SORCS3: variants seen among roughly 807,000 people sequenced by gnomAD.
SORCS3 encodes the protein sortilin related VPS10 domain containing receptor 3.
In SORCS3, 57 loss-of-function variants were observed where a neutral mutation model predicts 146.3. The observed-to-expected ratio is 0.39, with a 90% CI of 0.31 to 0.49. The LOEUF (loss-of-function observed/expected upper bound fraction) is 0.49, where lower values mean the gene tolerates loss of function less well. SORCS3 is among the 20% of genes least tolerant of loss of function. The pLI, the probability that SORCS3 is intolerant of heterozygous loss-of-function variation, is 0.92. For synonymous variants in SORCS3, 653 were observed against 618.5 expected, an observed-to-expected ratio of 1.06 and a Z score of -0.83; for missense variants, 1,341 against 1,575.5, an observed-to-expected ratio of 0.85 and a Z score of 2.52.
chr10:105,080,705 A>T (rs953483883), intron 5 of SORCS3, among the ~76,000 whole-genome samples: 7 of 151,888 alleles, frequency 4.6e-5, no homozygotes, highest in Non-Finnish European at 8.8e-5. Context: ...ATCCATCTTG[A>T]GTTGATTTTT....
intron 2 of SORCS3, among the ~76,000 whole-genome samples, chr10:104,900,042 TCTG>T (rs1174954985): frequency 6.6e-6 from 1 of 152,164 alleles, no homozygotes; most frequent in Non-Finnish European, 1.5e-5. Flanking sequence ...TTGTTTGTCT[TCTG>T]CTTCTTTCCA....
At chr10:104,954,190 G>C (rs2019463263) in intron 3 of SORCS3, among the ~76,000 whole-genome samples, 1 of 152,148 alleles carries the variant, frequency 6.6e-6, no homozygotes, top group African/African-American at 2.4e-5. Flanking sequence ...AATCTCAAAA[G>C]GGACACTGGA....
At chr10:105,184,814 G>A (rs2056465164) in intron 14 of SORCS3, among the ~76,000 whole-genome samples, 1 of 152,024 alleles carries the variant, frequency 6.6e-6, no homozygotes, top group Non-Finnish European at 1.5e-5. Context: ...GTTTTTTTGG[G>A]TAAGAACATT....
intron 3 of SORCS3, among the ~76,000 whole-genome samples, chr10:104,937,522 C>T (rs1028802638): frequency 6.6e-6 from 1 of 152,220 alleles, no homozygotes; most frequent in Non-Finnish European, 1.5e-5. Flanking sequence ...TTTAAGTTCT[C>T]TTTCATCATG....
At chr10:104,695,304 G>T (rs535763362) in intron 1 of SORCS3, among the ~76,000 whole-genome samples, 2 of 152,082 alleles carry the variant, frequency 1.3e-5, no homozygotes, top group Admixed American at 6.6e-5. Context: ...AGGGGTGTGT[G>T]TGTGTCCCTA....
chr10:104,992,928 G>A (rs1279751019), intron 4 of SORCS3, among the ~76,000 whole-genome samples: 1 of 150,858 alleles, frequency 6.6e-6, no homozygotes, highest in African/African-American at 2.4e-5. Context: ...TTTTCTCTGT[G>A]TTTAGGACAT....
intron 4 of SORCS3, among the ~76,000 whole-genome samples, chr10:105,020,072 T>A (rs1466434730): frequency 6.6e-6 from 1 of 152,178 alleles, no homozygotes; most frequent in Non-Finnish European, 1.5e-5. Context: ...TGGCTTTACT[T>A]AAACCAAGTG....
At chr10:105,092,335 T>C (rs2055716077) in intron 6 of SORCS3, among the ~76,000 whole-genome samples, 1 of 152,210 alleles carries the variant, frequency 6.6e-6, no homozygotes, top group South Asian at 2.1e-4. Context: ...TAGAATATAT[T>C]AGTTCTGTTC....
In SORCS3 at chr10:105,216,980, G is replaced by A. The variant is rs746689746; in HGVS notation, c.2592G>A (p.Gly864=). 6 of 1,614,204 alleles carry A rather than the reference G, an allele frequency of 3.7e-6. No individual in the cohort carries two copies. The highest frequency in any genetic ancestry group is 5.1e-6 in the Non-Finnish European group (6 of 1,180,032). Residue 864 remains glycine (G), a synonymous_variant, in exon 19 of 27, where the codon GGG becomes GGA. Transcript: ENST00000369701. ...RTNIQLDFGD[G]IAVSYANFSP... is the part of the protein sequence containing the mutation. The stretch of plus-strand genomic sequence containing the variant: ...ACATCCAGCTTGACTTTGGGGATGG[G>A]ATTGCTGTGTCCTACGCAAACTTCA...
chr10:104,950,714 T>C (rs1259135608), intron 3 of SORCS3, among the ~76,000 whole-genome samples: 1 of 152,118 alleles, frequency 6.6e-6, no homozygotes, highest in Non-Finnish European at 1.5e-5. Flanking sequence ...AATTCTGTCT[T>C]AAAAAGGAAG....
chr10:105,111,271 A>C (rs2055857260), intron 7 of SORCS3, among the ~76,000 whole-genome samples: 1 of 152,188 alleles, frequency 6.6e-6, no homozygotes, highest in South Asian at 2.1e-4. Context: ...TGACATCCTC[A>C]GTCGGGATTG....
intron 2 of SORCS3, among the ~76,000 whole-genome samples, chr10:104,907,677 A>G (rs1213537064): frequency 6.6e-6 from 1 of 152,176 alleles, no homozygotes; most frequent in African/African-American, 2.4e-5. Flanking sequence ...AGACGAATTA[A>G]TTATCCTGTA....
At chr10:104,829,049 CCTCAG>C (rs1358086965) in intron 1 of SORCS3, among the ~76,000 whole-genome samples, 8 of 152,192 alleles carry the variant, frequency 5.3e-5, no homozygotes, top group Non-Finnish European at 1.5e-5. Context: ...GTCCTGACCA[CCTCAG>C]CTCAGATTCA....
chr10:104,991,115 C>T (rs147185350), intron 4 of SORCS3, among the ~76,000 whole-genome samples: 1 of 152,250 alleles, frequency 6.6e-6, no homozygotes, highest in Non-Finnish European at 1.5e-5. Context: ...CCAGGACATA[C>T]TTTTGACTCC....
intron 13 of SORCS3, among the ~76,000 whole-genome samples, chr10:105,168,366 TG>T (rs1176521275): frequency 6.6e-6 from 1 of 152,114 alleles, no homozygotes; most frequent in Non-Finnish European, 1.5e-5. Context: ...GACGACAACT[TG>T]TTGCTGTTGT....
intron 3 of SORCS3, among the ~76,000 whole-genome samples, chr10:104,935,490 A>G (rs1221474066): frequency 6.6e-6 from 1 of 152,178 alleles, no homozygotes; most frequent in Non-Finnish European, 1.5e-5. Flanking sequence ...AGGTAATTCT[A>G]TTGTACTTCC....
At chr10:104,949,371 A>C (rs909921974) in intron 3 of SORCS3, among the ~76,000 whole-genome samples, 1 of 150,270 alleles carries the variant, frequency 6.7e-6, no homozygotes, top group African/African-American at 2.5e-5. Context: ...CTTTCAGTTT[A>C]AATTGGCTGT....
At chr10:104,885,396 T>C (rs565847604) in intron 2 of SORCS3, among the ~76,000 whole-genome samples, 1 of 152,288 alleles carries the variant, frequency 6.6e-6, no homozygotes, top group African/African-American at 2.4e-5. Context: ...AGACACACTT[T>C]TAAAATGTTC....
intron 1 of SORCS3, among the ~76,000 whole-genome samples, chr10:104,717,018 A>C (rs1473330813): frequency 6.6e-6 from 1 of 152,236 alleles, no homozygotes; most frequent in East Asian, 1.9e-4. Context: ...GGCCAGGCAC[A>C]GTGGCTCATG....
Sources: allele counts gnomAD v4.1 joint callset (sites outside exome capture counted in the v4.1 genomes callset), GRCh38; gene constraint gnomAD v4.1.1; transcripts MANE v1.5; gene names NCBI Gene and HGNC (gene_info 2026-07-23, HGNC 2026-07-21).